The following LARP6 variants were observed in gnomAD, a reference collection of about 807,000 sequenced individuals.
LARP6 encodes la-related protein 6.
A neutral mutation model predicts 32.8 loss-of-function variants in LARP6; 18 were observed. The observed-to-expected ratio is 0.55, with a 90% CI of 0.38 to 0.81. The LOEUF (loss-of-function observed/expected upper bound fraction) is 0.81. LARP6 is among the 40% of genes least tolerant of loss of function. The probability of loss-of-function intolerance (pLI) is 0.00; values close to 1 mark genes in which losing one functional copy is unlikely to be tolerated. For missense variants in LARP6, 598 were observed against 663.1 expected (o/e 0.90, Z 1.08); for synonymous variants, 289 against 267.2 (o/e 1.08, Z -0.80).
In LARP6 at chr15:70,853,909, C is replaced by T; in HGVS notation, c.180G>A (p.Glu60=). ...LSPGWGSASE[E]EPSRGHSGTT... is the part of the protein sequence containing the mutation. ...CCTACCTGTGCCCGCGGCTCGGCTC[C>T]TCCTCGCTCGCGCTGCCCCAGCCGG... The change falls in exon 1 of 3, where the codon GAG becomes GAA. Residue 60 remains glutamate, a synonymous_variant. Coordinates refer to ENST00000299213, the MANE Select transcript of LARP6 (RefSeq NM_018357.4). 7.3e-7 allele frequency: 1 copy of T among 1,367,522 alleles called. No homozygotes were observed. Among genetic ancestry groups the T allele is most frequent in the Non-Finnish European group, 9.5e-7 (1 of 1,054,682 alleles). The allele number at this position is 1,367,522 out of a possible 1,614,324, so 84.7% of individuals were successfully genotyped here. A position where few individuals can be genotyped will look rare whatever the true frequency, so the allele number is the denominator to read the frequency against.
At chr15:70,844,534 T>C (rs771452113) in intron 1 of LARP6, among the ~76,000 whole-genome samples, 3 of 152,210 alleles carry the variant, frequency 2.0e-5, no homozygotes, top group Non-Finnish European at 4.4e-5. Flanking sequence ...TATTTTATTA[T>C]TATGACTATG....
chr15:70,851,790 C>T, intron 1 of LARP6: 1 of 1,600,522 alleles, frequency 6.2e-7, no homozygotes, highest in Non-Finnish European at 8.5e-7. Flanking sequence ...CAGAGTACTA[C>T]AGCAACAGAG....
In LARP6 at chr15:70,830,409, G is replaced by C. The variant is rs2032018677; in HGVS notation, c.*1643C>G. On this transcript the variant is annotated 3_prime_UTR_variant, in exon 3 of 3. Transcript: ENST00000299213. ...TGAAATGTGTCTAACCCAATGCCTA[G>C]CACGTAGGAAGGTGCTGAATAAATA... 1 of 152,206 alleles carries C rather than the reference G, an allele frequency of 6.6e-6. No homozygotes were observed. The highest frequency in any genetic ancestry group is 1.5e-5 in the Non-Finnish European group (1 of 68,034). The allele number at this position is 152,206 out of a possible 1,614,324, so 9.4% of individuals were successfully genotyped here. A position where few individuals can be genotyped will look rare whatever the true frequency, so the allele number is the denominator to read the frequency against.
intron 2 of LARP6, among the ~76,000 whole-genome samples, chr15:70,833,821 G>A (rs1416019804): frequency 1.3e-5 from 2 of 152,224 alleles, no homozygotes; most frequent in African/African-American, 4.8e-5. Context: ...AATATCTCCT[G>A]AGAATGACAT....
intron 1 of LARP6, among the ~76,000 whole-genome samples, chr15:70,845,927 C>T (rs964742239): frequency 1.3e-5 from 2 of 152,236 alleles, no homozygotes; most frequent in Admixed American, 6.5e-5. Flanking sequence ...CCTAGATCTC[C>T]GTAGTGAGCT....
rs1220995574 is a variant in LARP6, at chr15:70,830,132, G to A, written c.*1920C>T. The A allele has an allele frequency of 1.3e-5, 2 of 152,326 alleles. No individual in the cohort carries two copies. The highest frequency in any genetic ancestry group is 2.9e-5 in the Non-Finnish European group (2 of 68,074). The allele number at this position is 152,326 out of a possible 1,614,324, so 9.4% of individuals were successfully genotyped here. Reference sequence around the variant, plus strand: ...CAAGCCTTCAGGCTACCTACAGCTGGTAGTGCTGGAAATGGCAAATCCAGA... The same window carrying A: ...CAAGCCTTCAGGCTACCTACAGCTGATAGTGCTGGAAATGGCAAATCCAGA... On this transcript the variant is annotated 3_prime_UTR_variant, in exon 3 of 3. Transcript: ENST00000299213.
chr15:70,832,639 T>G lies in LARP6; in HGVS notation c.889A>C (p.Lys297Gln). 1.2e-6 allele frequency: 2 copies of G among 1,609,888 alleles called. No homozygotes were observed. Among genetic ancestry groups the G allele is most frequent in the Non-Finnish European group, 8.5e-7 (1 of 1,178,900 alleles). The stretch of plus-strand genomic sequence containing the variant: ...TTTTTGTCTTTGGCAGGTTTCTTTT[T>G]GGGTGGCTTCATACCAATCAGGACA... ...KAVLIGMKPPKKKPAKDKNHD... is the reference protein window; with the variant it reads ...KAVLIGMKPPQKKPAKDKNHD... The change falls in exon 3 of 3, where the codon AAA becomes CAA. Residue 297 changes from lysine to glutamine, a missense_variant. Coordinates refer to ENST00000299213, the MANE Select transcript of LARP6 (RefSeq NM_018357.4).
rs1184910705 is a variant in LARP6 at position 70,852,330 on chromosome 15, G to C, written c.200+1559C>G. 1.1e-5 allele frequency: 5 copies of C among 454,632 alleles called. 1 individual carries two copies. The Admixed American group carries it at 1.2e-4, about 11-fold the overall frequency. 28.2% of individuals were successfully genotyped at this position (454,632 alleles called of 1,614,324 possible). On this transcript the variant is annotated intron_variant, in intron 1 of 2. Transcript: ENST00000299213. ...AGACTCAAGCCACGGGAGCTGGGCAGTTCTGGAGGAAGAGCAAGAGGGGTT... is the reference window on the plus strand; with the variant it reads ...AGACTCAAGCCACGGGAGCTGGGCACTTCTGGAGGAAGAGCAAGAGGGGTT...
chr15:70,852,193 C>T (rs887422472), intron 1 of LARP6: 37 of 426,330 alleles, frequency 8.7e-5, no homozygotes, highest in African/African-American at 7.3e-4. Flanking sequence ...TCCTCCTGCT[C>T]TGGGTGCCTG....
Position 70,830,346 on chromosome 15 carries a change from T to G in LARP6, c.*1706A>C, listed in dbSNP as rs1289155550. ...ACTTCAGCAGCTGCATGTGTGATAC[T>G]GGCATAATAATTCCTTATGATGGAC... On this transcript the variant is annotated 3_prime_UTR_variant, in exon 3 of 3. Coordinates refer to ENST00000299213, the MANE Select transcript of LARP6 (RefSeq NM_018357.4). 6.6e-6 allele frequency: 1 copy of G among 152,286 alleles called. No homozygotes were observed. Among genetic ancestry groups the G allele is most frequent in the Non-Finnish European group, 1.5e-5 (1 of 68,050 alleles). 9.4% of individuals were successfully genotyped at this position (152,286 alleles called of 1,614,324 possible).
chr15:70,837,480 T>C (rs544649795), intron 1 of LARP6, among the ~76,000 whole-genome samples: 3 of 152,362 alleles, frequency 2.0e-5, no homozygotes, highest in Admixed American at 2.0e-4. Context: ...TACTCTCTTA[T>C]TCTTCCTTCT....
At chr15:70,847,021 G>A (rs1368245627) in intron 1 of LARP6, among the ~76,000 whole-genome samples, 1 of 152,198 alleles carries the variant, frequency 6.6e-6, no homozygotes, top group Non-Finnish European at 1.5e-5. Flanking sequence ...TGAGTTGAGA[G>A]TAGAACTCAA....
chr15:70,850,228 T>C (rs2032423124), intron 1 of LARP6, among the ~76,000 whole-genome samples: 1 of 152,176 alleles, frequency 6.6e-6, no homozygotes, highest in South Asian at 2.1e-4. Flanking sequence ...AAATCTCCTA[T>C]CAAAGAAAAG....
intron 1 of LARP6, chr15:70,851,900 C>T: frequency 1.1e-6 from 1 of 932,564 alleles, no homozygotes; most frequent in East Asian, 2.7e-5. Context: ...AATCAGAGGA[C>T]CTAGAGGTGG....
At chr15:70,845,113 T>C (rs1336414214) in intron 1 of LARP6, among the ~76,000 whole-genome samples, 2 of 152,228 alleles carry the variant, frequency 1.3e-5, no homozygotes, top group African/African-American at 4.8e-5. Context: ...ATATCTTGCA[T>C]TAGTATGGTA....
At chr15:70,847,585 A>G (rs1247965053) in intron 1 of LARP6, among the ~76,000 whole-genome samples, 3 of 152,226 alleles carry the variant, frequency 2.0e-5, no homozygotes, top group East Asian at 3.9e-4. Context: ...TGGCCAGGCT[A>G]GTCTCAAACT....
Position 70,834,739 on chromosome 15 carries a change from C to T in LARP6, c.411+1556G>A, listed in dbSNP as rs3784669. ...GAGCATCCTAAGCCTGGGTCCATGA[C>T]CATTCATAAGGAAGGTCCAGGTAGC... On this transcript the variant is annotated intron_variant, in intron 2 of 2. Transcript: ENST00000299213. Among the ~76,000 whole-genome samples the T allele has an allele frequency of 6.6e-3, 1,011 of 152,322 alleles. 28 individuals are homozygous for T. In the East Asian group the frequency reaches 0.09, roughly 14 times the overall value.
Position 70,843,701 on chromosome 15 carries a change from G to A in LARP6, c.201-7196C>T, listed in dbSNP as rs572432827. On this transcript the variant is annotated intron_variant, in intron 1 of 2. Coordinates refer to ENST00000299213, the MANE Select transcript of LARP6 (RefSeq NM_018357.4). ...GACGGAGTCTCACTCTGTCGCCCAG[G>A]CTGGAGTGCAGTGGCATGATCTTGG... 1.1e-3 allele frequency among the ~76,000 whole-genome samples: 155 copies of A among 135,830 alleles called. 1 individual carries two copies. The highest frequency in any genetic ancestry group is 1.5e-4 in the Non-Finnish European group (10 of 65,078). The allele number at this position is 135,830 out of a possible 152,430, so 89.1% of individuals were successfully genotyped here.
At chr15:70,845,233 C>G (rs991630020) in intron 1 of LARP6, among the ~76,000 whole-genome samples, 2 of 152,042 alleles carry the variant, frequency 1.3e-5, no homozygotes, top group African/African-American at 4.8e-5. Flanking sequence ...GCCTATTGTC[C>G]CTTTTTCCGT....
Sources: allele counts gnomAD v4.1 joint callset (sites outside exome capture counted in the v4.1 genomes callset), GRCh38; gene constraint gnomAD v4.1.1; transcripts MANE v1.5; gene names NCBI Gene and HGNC (gene_info 2026-07-23, HGNC 2026-07-21).